ATRNL1: variants seen among roughly 807,000 people sequenced by gnomAD.
ATRNL1 encodes the protein attractin-like protein 1.
ATRNL1 carries 95 observed loss-of-function variants against 182.7 expected under a neutral mutation model. That is an observed-to-expected ratio of 0.52 (90% CI 0.44 to 0.62). The LOEUF (loss-of-function observed/expected upper bound fraction) is 0.62, where lower values mean the gene tolerates loss of function less well. Ranked by LOEUF, ATRNL1 falls within the 20% of genes least tolerant of loss-of-function variation. The probability of loss-of-function intolerance (pLI) is 0.00; values close to 1 mark genes in which losing one functional copy is unlikely to be tolerated. For missense variants in ATRNL1, 1,471 were observed against 1,679.5 expected, an observed-to-expected ratio of 0.88 and a Z score of 2.17; for synonymous variants, 576 against 568.3, an observed-to-expected ratio of 1.01 and a Z score of -0.19.
chr10:115,664,404 G>T (rs1860879924), intron 26 of ATRNL1, among the ~76,000 whole-genome samples: 3 of 152,086 alleles, frequency 2.0e-5, no homozygotes, highest in Admixed American at 2.0e-4. Flanking sequence ...TAGTTTATAA[G>T]GATATATGTA....
intron 27 of ATRNL1, among the ~76,000 whole-genome samples, chr10:115,772,593 C>CTCTGTGTGTGTGTG (rs1555076680): frequency 1.8e-4 from 23 of 125,668 alleles, no homozygotes; most frequent in African/African-American, 7.4e-4. Flanking sequence ...AATATATACT[C>CTCTGTGTGTGTGTG]TGTCTGTGTG....
chr10:115,796,229 G>T (rs1320610219), intron 27 of ATRNL1, among the ~76,000 whole-genome samples: 5 of 151,746 alleles, frequency 3.3e-5, no homozygotes, highest in African/African-American at 1.2e-4. Context: ...GCCATATGCG[G>T]TTGCCTTTTC....
intron 26 of ATRNL1, among the ~76,000 whole-genome samples, chr10:115,638,712 T>A (rs1370449312): frequency 2.6e-5 from 4 of 152,190 alleles, no homozygotes. Flanking sequence ...TAAAACTTAT[T>A]TTAAATAAAG....
chr10:115,912,662 A>G (rs1555116221), intron 28 of ATRNL1, among the ~76,000 whole-genome samples: 1 of 152,202 alleles, frequency 6.6e-6, no homozygotes, highest in South Asian at 2.1e-4. Context: ...ATAAAAGTAG[A>G]AAATTGACAG....
chr10:115,534,796 G>C (rs1282501475), intron 25 of ATRNL1, among the ~76,000 whole-genome samples: 1 of 150,668 alleles, frequency 6.6e-6, no homozygotes, highest in Non-Finnish European at 1.5e-5. Flanking sequence ...TTTTAGGGCA[G>C]GCCTGGTGGT....
intron 8 of ATRNL1, among the ~76,000 whole-genome samples, chr10:115,178,032 C>T (rs1554887130): frequency 6.6e-6 from 1 of 150,700 alleles, no homozygotes; most frequent in East Asian, 2.0e-4. Context: ...GATCCTCCCA[C>T]CTCAGCCTCC....
intron 24 of ATRNL1, among the ~76,000 whole-genome samples, chr10:115,498,462 C>A (rs1554979086): frequency 1.3e-5 from 2 of 151,848 alleles, no homozygotes; most frequent in African/African-American, 4.8e-5. Context: ...CTCTATGATG[C>A]CATTTTTTTA....
At position 115,834,642 on chromosome 10, in the gene ATRNL1, G is replaced by A. The variant is rs1328756124; in HGVS notation, c.3904-13235G>A. 3.7e-4 allele frequency among the ~76,000 whole-genome samples: 56 copies of A among 152,108 alleles called. 1 individual carries two copies. Among genetic ancestry groups the A allele is most frequent in the African/African-American group, 1.3e-3 (52 of 41,408 alleles). ...TGCCAACAGACAGGCAGCTGTTGTC[G>A]GATTTGGAATCTGTATTAGCAAAGC... On this transcript the variant is annotated intron_variant, in intron 27 of 28. Transcript: ENST00000355044.
intron 26 of ATRNL1, among the ~76,000 whole-genome samples, chr10:115,719,160 T>C (rs1947343705): frequency 6.6e-6 from 1 of 152,244 alleles, no homozygotes; most frequent in African/African-American, 2.4e-5. Flanking sequence ...GGATCATCCT[T>C]TGGAATTTGA....
intron 26 of ATRNL1, among the ~76,000 whole-genome samples, chr10:115,707,491 GC>G (rs1283585993): frequency 6.6e-6 from 1 of 151,316 alleles, no homozygotes; most frequent in Non-Finnish European, 1.5e-5. Flanking sequence ...AAGTTTATTG[GC>G]CCTCCCCTAT....
intron 9 of ATRNL1, among the ~76,000 whole-genome samples, chr10:115,239,259 G>A (rs1490551195): frequency 6.6e-6 from 1 of 151,932 alleles, no homozygotes. Context: ...TTGTGATGGA[G>A]TCTCACTCTG....
intron 27 of ATRNL1, among the ~76,000 whole-genome samples, chr10:115,834,531 CT>C (rs1434628396): frequency 6.6e-6 from 1 of 151,962 alleles, no homozygotes; most frequent in African/African-American, 2.4e-5. Flanking sequence ...AGGCAAACCT[CT>C]ATATTTTATT....
At chr10:115,581,833 C>T (rs1308008658) in intron 26 of ATRNL1, among the ~76,000 whole-genome samples, 4 of 151,118 alleles carry the variant, frequency 2.6e-5, no homozygotes, top group Non-Finnish European at 5.9e-5. Context: ...CATGCTGGTG[C>T]ACTGCACCCA....
At chr10:115,521,014 A>T (rs1850899048) in intron 25 of ATRNL1, among the ~76,000 whole-genome samples, 2 of 152,220 alleles carry the variant, frequency 1.3e-5, no homozygotes, top group Non-Finnish European at 2.9e-5. Flanking sequence ...TATGTTTAAT[A>T]TTTTACAACT....
chr10:115,644,488 A>G (rs1859472571), intron 26 of ATRNL1, among the ~76,000 whole-genome samples: 1 of 152,158 alleles, frequency 6.6e-6, no homozygotes, highest in South Asian at 2.1e-4. Flanking sequence ...TCAAGGTCGC[A>G]TAGCCCAAAC....
intron 21 of ATRNL1, among the ~76,000 whole-genome samples, chr10:115,459,710 C>G (rs1029771088): frequency 1.3e-5 from 2 of 152,042 alleles, no homozygotes; most frequent in Non-Finnish European, 2.9e-5. Flanking sequence ...TATTCTATTA[C>G]GCTGTTAAGT....
intron 25 of ATRNL1, among the ~76,000 whole-genome samples, chr10:115,546,669 A>G (rs1252106642): frequency 6.6e-6 from 1 of 152,140 alleles, no homozygotes. Context: ...CCTTGGCAAT[A>G]TTAGCATTCT....
At chr10:115,339,804 T>C (rs1446328640) in intron 19 of ATRNL1, among the ~76,000 whole-genome samples, 3 of 152,170 alleles carry the variant, frequency 2.0e-5, no homozygotes, top group African/African-American at 7.2e-5. Context: ...AGCCTCTCAA[T>C]TTTCCCCCTT....
chr10:115,389,135 C>T (rs1348664183), intron 19 of ATRNL1, among the ~76,000 whole-genome samples: 2 of 151,934 alleles, frequency 1.3e-5, no homozygotes, highest in Non-Finnish European at 2.9e-5. Context: ...TTTTTAGATC[C>T]CACATATAAT....
Sources: gnomAD v4.1 joint callset for allele counts (sites outside exome capture counted in the v4.1 genomes callset) on GRCh38, gnomAD v4.1.1 for gene constraint, MANE v1.5 for transcripts, NCBI Gene and HGNC (gene_info 2026-07-23, HGNC 2026-07-21) for gene names.